Variants in EED observed in about 807,000 individuals in gnomAD.
The protein encoded by EED is polycomb protein EED.
In EED, 9 loss-of-function variants were observed where a neutral mutation model predicts 61.0. The observed-to-expected ratio is 0.15, with a 90% CI of 0.09 to 0.26. The LOEUF (loss-of-function observed/expected upper bound fraction) is 0.26, where lower values mean the gene tolerates loss of function less well. Among genes scored for constraint, EED ranks in the 10% least tolerant of loss-of-function variants. EED has a pLI of 1.00. For missense variants in EED, 315 were observed against 542.3 expected, an observed-to-expected ratio of 0.58 and a Z score of 4.16; for synonymous variants, 187 against 174.4, an observed-to-expected ratio of 1.07 and a Z score of -0.57.
downstream of EED, among the ~76,000 whole-genome samples, chr11:86,282,960 C>G (rs2138249286): frequency 6.6e-6 from 1 of 152,016 alleles, no homozygotes; most frequent in Middle Eastern, 3.4e-3. Context: ...TGAAACCCCA[C>G]CTCTACTACA....
At chr11:86,253,433 G>A (rs1945586416) in intron 3 of EED, among the ~76,000 whole-genome samples, 1 of 152,168 alleles carries the variant, frequency 6.6e-6, no homozygotes, top group Admixed American at 6.5e-5. Context: ...TTGTGCTCCA[G>A]TGTGCTGATT....
At chr11:86,250,087 A>G (rs1369223791) in intron 1 of EED, among the ~76,000 whole-genome samples, 7 of 152,150 alleles carry the variant, frequency 4.6e-5, no homozygotes, top group Non-Finnish European at 1.0e-4. Flanking sequence ...TATTTATTTC[A>G]TTTTCATTTT....
intron 7 of EED, chr11:86,264,685 G>A (rs1218220835): frequency 6.5e-6 from 1 of 153,424 alleles, no homozygotes; most frequent in East Asian, 1.9e-4. Flanking sequence ...TGCTCACACT[G>A]TTTTAGGTAA....
chr11:86,257,998 T>C (rs1945720768), intron 6 of EED, among the ~76,000 whole-genome samples: 1 of 152,242 alleles, frequency 6.6e-6, no homozygotes, highest in Admixed American at 6.5e-5. Context: ...ATAAACATCT[T>C]TTATTTTAGA....
intron 1 of EED, 136 bp downstream of exon 1, chr11:86,245,479 G>T (rs1945370738): frequency 1.1e-5 from 8 of 736,680 alleles, no homozygotes; most frequent in Non-Finnish European, 1.8e-5. Context: ...GCGTGCGGGA[G>T]AAAATTGAAA....
At chr11:86,287,476 C>T in the EED span, among the ~76,000 whole-genome samples, 1 of 152,198 alleles carries the variant, frequency 6.6e-6, no homozygotes, top group African/African-American at 2.4e-5. Context: ...AAAGCAGATT[C>T]ATTTTGCCTT....
At chr11:86,249,000 A>G (rs1425664219) in intron 1 of EED, among the ~76,000 whole-genome samples, 2 of 152,176 alleles carry the variant, frequency 1.3e-5, no homozygotes, top group African/African-American at 2.4e-5. Context: ...GCCTGTCTCA[A>G]AAAAGAGTTG....
chr11:86,245,222 G>A lies in EED; in HGVS notation c.-8G>A, dbSNP rs537997258. On this transcript the variant is annotated 5_prime_UTR_variant, in exon 1 of 12. Transcript: ENST00000263360. ...AGGCGGCAGGAACCTGGAGGGAGGCGGAGGAATATGTCCGAGAGGGAAGTG... is the reference window on the plus strand; with the variant it reads ...AGGCGGCAGGAACCTGGAGGGAGGCAGAGGAATATGTCCGAGAGGGAAGTG... 3.7e-6 allele frequency: 6 copies of A among 1,610,436 alleles called. No individual in the cohort carries two copies. The highest frequency in any genetic ancestry group is 1.1e-5 in the South Asian group (1 of 90,886).
At position 86,265,990 on chromosome 11, in the gene EED, A is replaced by T. The variant is rs74429367; in HGVS notation, c.727-93A>T. On this transcript the variant is annotated intron_variant, in intron 7 of 11. Coordinates refer to ENST00000263360, the MANE Select transcript of EED (RefSeq NM_003797.5). ...AATGTAGTTTGTATTGTGATTTGAAATACAGTTTTCACTATGTTGCACATT... is the reference window on the plus strand; with the variant it reads ...AATGTAGTTTGTATTGTGATTTGAATTACAGTTTTCACTATGTTGCACATT... The T allele has an allele frequency of 6.4e-4, 703 of 1,097,120 alleles. 3 individuals carry two copies. The African/African-American group carries it at 0.01, about 16-fold the overall frequency. The allele number at this position is 1,097,120 out of a possible 1,614,324, so 68.0% of individuals were successfully genotyped here.
chr11:86,250,566 G>A, intron 2 of EED, 118 bp downstream of exon 2: 1 of 1,150,330 alleles, frequency 8.7e-7, no homozygotes. Flanking sequence ...AAGTTACAAT[G>A]TTTTCTGAAG....
chr11:86,256,533 T>A (rs763427179), intron 5 of EED, 21 bp downstream of exon 5: 6 of 1,538,532 alleles, frequency 3.9e-6, no homozygotes, highest in South Asian at 2.5e-5. Flanking sequence ...CTGGTTAAAT[T>A]GTAGATCTGC....
intron 6 of EED, among the ~76,000 whole-genome samples, chr11:86,261,428 G>A (rs866783398): frequency 2.0e-5 from 3 of 152,218 alleles, no homozygotes; most frequent in Admixed American, 6.5e-5. Context: ...GGTTTGCCAC[G>A]TGCAGCCCAC....
rs1332677250 is a variant in EED at position 86,244,955 on chromosome 11, A to G, written c.-275A>G. 2.2e-5 allele frequency: 8 copies of G among 369,780 alleles called. No individual in the cohort carries two copies. Among genetic ancestry groups the G allele is most frequent in the Non-Finnish European group, 3.4e-5 (7 of 204,606 alleles). 22.9% of individuals were successfully genotyped at this position (369,780 alleles called of 1,614,324 possible). The stretch of plus-strand genomic sequence containing the variant: ...ACCTTACATCGTGTAGACTGCCGGG[A>G]GGGCGGCGGGAAAAGGGCAAGACGG... On this transcript the variant is annotated 5_prime_UTR_variant, in exon 1 of 12. Transcript: ENST00000263360.
At chr11:86,284,140 G>A in the EED span, 1 of 152,290 alleles carries the variant, frequency 6.6e-6, no homozygotes, top group Non-Finnish European at 1.5e-5. Flanking sequence ...GGATCCAATT[G>A]ATGCCATATC....
chr11:86,266,004 A>G lies in EED; in HGVS notation c.727-79A>G, dbSNP rs950922737. 7.2e-6 allele frequency: 9 copies of G among 1,246,986 alleles called. No individual in the cohort carries two copies. In the East Asian group the frequency reaches 1.2e-4, roughly 17 times the overall value. The allele number at this position is 1,246,986 out of a possible 1,614,324, so 77.2% of individuals were successfully genotyped here. A position where few individuals can be genotyped will look rare whatever the true frequency, so the allele number is the denominator to read the frequency against. ...TGTGATTTGAAATACAGTTTTCACT[A>G]TGTTGCACATTAGGCAAAAATTGGA... On this transcript the variant is annotated intron_variant, in intron 7 of 11. Coordinates refer to ENST00000263360, the MANE Select transcript of EED (RefSeq NM_003797.5).
intron 6 of EED, among the ~76,000 whole-genome samples, chr11:86,259,721 A>G (rs1945779899): frequency 6.6e-6 from 1 of 152,258 alleles, no homozygotes; most frequent in Admixed American, 6.5e-5. Context: ...CAGAGCATAC[A>G]CAGATGGCCA....
At chr11:86,252,352 A>G (rs1436812507) in intron 3 of EED, 112 bp downstream of exon 3, 3 of 714,566 alleles carry the variant, frequency 4.2e-6, no homozygotes, top group East Asian at 2.7e-5. Flanking sequence ...GTTTAGCAAT[A>G]TGATTCTTTC....
At chr11:86,267,766 A>ATTTTC (rs1946016408) in intron 8 of EED, 1 of 108,750 alleles carries the variant, frequency 9.2e-6, no homozygotes, top group Non-Finnish European at 1.8e-5. Flanking sequence ...TGCCTGGCTA[A>ATTTTC]TTTTTTTTTT....
chr11:86,283,444 A>G (rs149134032), downstream of EED, among the ~76,000 whole-genome samples: 956 of 152,100 alleles, frequency 6.3e-3, 6 homozygotes, highest in African/African-American at 0.022. Context: ...TAATTTGCTT[A>G]TTTGGTTTAT....
Sources: allele counts gnomAD v4.1 joint callset (sites outside exome capture counted in the v4.1 genomes callset), GRCh38; gene constraint gnomAD v4.1.1; transcripts MANE v1.5; gene names NCBI Gene and HGNC (gene_info 2026-07-23, HGNC 2026-07-21).